Variants in ODF2 observed in about 807,000 individuals in gnomAD.
The protein encoded by ODF2 is outer dense fiber protein 2.
A neutral mutation model predicts 110.2 loss-of-function variants in ODF2; 47 were observed. That is an observed-to-expected ratio of 0.43 (90% CI 0.34 to 0.54). The LOEUF (loss-of-function observed/expected upper bound fraction) is 0.54. Ranked by LOEUF, ODF2 falls within the 20% of genes least tolerant of loss-of-function variation. The pLI is 0.03. For missense variants in ODF2, 812 were observed against 1,054.5 expected (o/e 0.77, Z 3.19); for synonymous variants, 352 against 397.7 (o/e 0.89, Z 1.37).
At chr9:128,457,023 C>G (rs1835048677) in intron 1 of ODF2, 7 of 1,276,870 alleles carry the variant, frequency 5.5e-6, no homozygotes, top group African/African-American at 3.0e-5. Flanking sequence ...GGTTCTCACC[C>G]GCCCTCTCCG....
intron 8 of ODF2, among the ~76,000 whole-genome samples, chr9:128,476,434 C>CA (rs753050011): frequency 1.3e-5 from 2 of 151,916 alleles, no homozygotes; most frequent in South Asian, 4.1e-4. Flanking sequence ...ATTACAGGTG[C>CA]ATGCCACCAC....
chr9:128,497,460 T>A (rs1475028220), intron 18 of ODF2: 32 of 86,800 alleles, frequency 3.7e-4, no homozygotes, highest in South Asian at 7.6e-4. Context: ...TATATATATA[T>A]ATATATATAT....
chr9:128,473,445 T>G (rs1009390921), intron 7 of ODF2, among the ~76,000 whole-genome samples, 165 bp from the exon 8 acceptor site: 2 of 152,028 alleles, frequency 1.3e-5, no homozygotes, highest in Admixed American at 1.3e-4. Flanking sequence ...TGCTTGTCCC[T>G]TTAGGTCCAC....
At chr9:128,499,237 T>A (rs1316110468) in intron 20 of ODF2, 111 bp downstream of exon 20, 10 of 1,305,416 alleles carry the variant, frequency 7.7e-6, no homozygotes, top group Non-Finnish European at 6.4e-6. Flanking sequence ...ATGACATGGT[T>A]TTATTTTTCT....
intron 1 of ODF2, chr9:128,457,182 C>T (rs1489892618): frequency 6.9e-7 from 1 of 1,440,742 alleles, no homozygotes; most frequent in Non-Finnish European, 9.2e-7. Flanking sequence ...TCTACTATTT[C>T]CCCCTACTTT....
In ODF2 at chr9:128,498,930, C is replaced by T; in HGVS notation, c.2176-71C>T. On this transcript the variant is annotated intron_variant, in intron 19 of 20. Coordinates refer to ENST00000604420, the Ensembl canonical transcript of ODF2. ...TGTCTGCAAGACCAGATAGTGGGCC[C>T]AGCCTTCTCTTTGCCAAGTGTTCCC... 2.5e-6 allele frequency: 4 copies of T among 1,595,752 alleles called. No individual in the cohort carries two copies. In the South Asian group the frequency reaches 4.5e-5, roughly 18 times the overall value.
rs1273337847 is a variant in ODF2 at position 128,494,267 on chromosome 9, G to A, written c.1753-243G>A. The stretch of plus-strand genomic sequence containing the variant: ...GCAGAGAGCCCCTGGTACAATGCCT[G>A]GGTCTTGGTGTTTACTGTGTGGTTG... On this transcript the variant is annotated intron_variant, in intron 16 of 20. Coordinates refer to ENST00000604420, the Ensembl canonical transcript of ODF2. The surrounding 1 kb of genome is among the most constrained non-coding windows in gnomAD (Gnocchi z 4.6). Among the ~76,000 whole-genome samples, 1 of 152,162 alleles carries A rather than the reference G, an allele frequency of 6.6e-6. No individual in the cohort carries two copies. Among genetic ancestry groups the A allele is most frequent in the Non-Finnish European group, 1.5e-5 (1 of 68,012 alleles).
exon 21 of ODF2, chr9:128,500,374 G>C (rs1846334389): frequency 3.2e-6 from 3 of 929,258 alleles, no homozygotes; most frequent in Non-Finnish European, 4.9e-6. Context: ...TCAGGGTCTT[G>C]TCCTTAGCTA....
At chr9:128,483,999 A>G (rs770762208) in exon 11 of ODF2, 23 of 1,613,730 alleles carry the variant, frequency 1.4e-5, no homozygotes, top group Non-Finnish European at 5.1e-6. Context: ...GGGCATTTGC[A>G]GGCACAGCTT....
chr9:128,462,651 G>GT (rs1836804388), intron 4 of ODF2, among the ~76,000 whole-genome samples: 1 of 151,400 alleles, frequency 6.6e-6, no homozygotes, highest in Non-Finnish European at 1.5e-5. Flanking sequence ...CCAGGCTGGA[G>GT]TGCAGTGGTG....
intron 13 of ODF2, 45 bp from the exon 14 acceptor site, chr9:128,487,845 G>A: frequency 6.2e-7 from 1 of 1,608,266 alleles, no homozygotes; most frequent in Non-Finnish European, 8.5e-7. Context: ...AAACAAACCT[G>A]TGTAATTGAT....
At chr9:128,455,277 C>T (rs757065336), upstream of ODF2, 307 of 1,514,498 alleles carry the variant, frequency 2.0e-4, no homozygotes, top group Admixed American at 2.4e-4. Context: ...GTAGACCGGG[C>T]GCGGAGGCTC....
chr9:128,462,842 C>G (rs1445585653), intron 4 of ODF2, among the ~76,000 whole-genome samples: 1 of 152,126 alleles, frequency 6.6e-6, no homozygotes, highest in African/African-American at 2.4e-5. Context: ...ATCCGCCTAC[C>G]TCAGCCTCCC....
At chr9:128,481,483 A>T in intron 8 of ODF2, 97 bp from the exon 9 acceptor site, 1 of 1,025,814 alleles carries the variant, frequency 9.7e-7, no homozygotes, top group Non-Finnish European at 1.4e-6. Context: ...AAAAAAAAAA[A>T]AAATACAATT....
chr9:128,455,757 G>A (rs563918016), upstream of ODF2, among the ~76,000 whole-genome samples: 2 of 152,134 alleles, frequency 1.3e-5, no homozygotes, highest in East Asian at 1.9e-4. Flanking sequence ...ATTTTCGGAG[G>A]CAGTGTGCAG....
chr9:128,498,313 T>C (rs372395067), intron 18 of ODF2, 100 bp from the exon 19 acceptor site: 1 of 1,398,244 alleles, frequency 7.2e-7, no homozygotes, highest in Non-Finnish European at 9.3e-7. Context: ...ATTCTTGGCA[T>C]GATGAGATCC....
At chr9:128,488,513 TTAGG>T (rs1350098584) in intron 14 of ODF2, among the ~76,000 whole-genome samples, 11 of 152,186 alleles carry the variant, frequency 7.2e-5, no homozygotes, top group African/African-American at 2.4e-4. Flanking sequence ...TGCCTCTTCC[TTAGG>T]TAGAGGAAAT....
intron 4 of ODF2, chr9:128,468,820 C>T (rs566175011): frequency 8.0e-5 from 15 of 188,068 alleles, no homozygotes; most frequent in South Asian, 4.6e-4. Flanking sequence ...CCATGCCCAG[C>T]GCTAGCTAAT....
chr9:128,484,825 A>G, exon 12 of ODF2: 1 of 1,614,084 alleles, frequency 6.2e-7, no homozygotes, highest in Non-Finnish European at 8.5e-7. Context: ...CGAGCCCAGA[A>G]GGAGCGAGCC....
Sources: gnomAD v4.1 joint callset for allele counts (sites outside exome capture counted in the v4.1 genomes callset) on GRCh38, gnomAD v4.1.1 for gene constraint, Gnocchi (gnomAD v3.1) non-coding constraint, MANE v1.5 for transcripts, NCBI Gene and HGNC (gene_info 2026-07-23, HGNC 2026-07-21) for gene names.